The following TDRD1 variants were observed in gnomAD, a reference collection of about 807,000 sequenced individuals.
TDRD1 encodes tudor domain containing 1.
TDRD1 carries 37 observed loss-of-function variants against 140.6 expected under a neutral mutation model. The ratio of observed to expected loss-of-function variants is 0.26; its 90% CI spans 0.20 to 0.35. The LOEUF (loss-of-function observed/expected upper bound fraction) is 0.35. Among genes scored for constraint, TDRD1 ranks in the 10% least tolerant of loss-of-function variants. The pLI, the probability that TDRD1 is intolerant of heterozygous loss-of-function variation, is 1.00. For missense variants in TDRD1, 1,243 were observed against 1,393.0 expected, an observed-to-expected ratio of 0.89 and a Z score of 1.71; for synonymous variants, 506 against 475.7, an observed-to-expected ratio of 1.06 and a Z score of -0.83.
chr10:114,220,262 TACATAAC>T (rs1330155990), intron 18 of TDRD1, among the ~76,000 whole-genome samples: 1 of 152,234 alleles, frequency 6.6e-6, no homozygotes, highest in Non-Finnish European at 1.5e-5. Context: ...GGTTAACTCA[TACATAAC>T]AGAACATGAT....
upstream of TDRD1, among the ~76,000 whole-genome samples, chr10:114,176,667 C>A (rs1363471877): frequency 6.6e-6 from 1 of 152,176 alleles, no homozygotes; most frequent in African/African-American, 2.4e-5. The surrounding 1 kb of genome is among the most constrained non-coding windows in gnomAD (Gnocchi z 4.2). Flanking sequence ...CTTGTAATCC[C>A]AGCTACTGAG....
chr10:114,218,349 G>T, intron 17 of TDRD1, 65 bp from the exon 18 acceptor site: 2 of 1,200,666 alleles, frequency 1.7e-6, no homozygotes, highest in Non-Finnish European at 2.2e-6. Context: ...CTTTTTTCAA[G>T]ATAAGTATTT....
In TDRD1 at chr10:114,188,079, A is replaced by G. The variant is rs78106404; in HGVS notation, c.248A>G (p.Asn83Ser). The G allele has an allele frequency of 9.1e-4, 1,466 of 1,613,814 alleles. 11 individuals carry two copies. The African/African-American group carries it at 0.018, about 19-fold the overall frequency. The change falls in exon 2 of 26, where the codon AAT becomes AGT. Residue 83 changes from asparagine (N) to serine (S), a missense_variant. This residue lies in a region of TDRD1 where 237 missense variants were observed against 215.5 expected (regional missense o/e 1.10). Transcript: ENST00000251864. ...CAATATTTGGCTAGTCAGGAAGACA[A>G]TTCAGTTTCTTCAAACCCGAATGGC...
At chr10:114,204,624 A>C in intron 9 of TDRD1, 98 bp from the exon 10 acceptor site, 1 of 1,235,078 alleles carries the variant, frequency 8.1e-7, no homozygotes, top group Non-Finnish European at 1.1e-6. Flanking sequence ...ATTTGTGATA[A>C]GTTTTCAGCA....
chr10:114,204,179 A>G, exon 9 of TDRD1: 1 of 1,598,964 alleles, frequency 6.3e-7, no homozygotes, highest in Non-Finnish European at 8.5e-7. Context: ...AACAGAATTT[A>G]CCACCTCAAC....
intron 3 of TDRD1, among the ~76,000 whole-genome samples, chr10:114,195,659 T>C (rs2034292027): frequency 6.6e-6 from 1 of 152,228 alleles, no homozygotes; most frequent in African/African-American, 2.4e-5. Context: ...CTTTTTACTT[T>C]CGGTCTCTCT....
chr10:114,231,940 T>C (rs1279809100), exon 26 of TDRD1: 1 of 141,404 alleles, frequency 7.1e-6, no homozygotes, highest in Non-Finnish European at 1.5e-5. Flanking sequence ...AGATTTTGTC[T>C]TAAAAAAAAA....
At chr10:114,222,045 T>C (rs1212923652) in intron 20 of TDRD1, among the ~76,000 whole-genome samples, 1 of 152,224 alleles carries the variant, frequency 6.6e-6, no homozygotes, top group East Asian at 1.9e-4. Flanking sequence ...GCAGGCACTT[T>C]TAAAGCTGAA....
intron 1 of TDRD1, among the ~76,000 whole-genome samples, chr10:114,181,816 A>G (rs142119556): frequency 6.7e-6 from 1 of 148,436 alleles, no homozygotes; most frequent in African/African-American, 2.5e-5. Context: ...GCTGCACTCC[A>G]TTCTGGGCGA....
chr10:114,210,478 C>T (rs2035409583), intron 11 of TDRD1, 103 bp from the exon 12 acceptor site: 2 of 1,144,874 alleles, frequency 1.7e-6, no homozygotes, highest in Non-Finnish European at 2.4e-6. Context: ...AGGAACCTTG[C>T]AGTCATAGTC....
intron 1 of TDRD1, among the ~76,000 whole-genome samples, chr10:114,181,383 C>G (rs965403172): frequency 6.6e-6 from 1 of 152,194 alleles, no homozygotes; most frequent in African/African-American, 2.4e-5. Context: ...GCTTCAGGGC[C>G]TGTGCAGCAA....
chr10:114,213,324 T>C, intron 14 of TDRD1, 22 bp from the exon 15 acceptor site: 1 of 1,595,284 alleles, frequency 6.3e-7, no homozygotes, highest in Non-Finnish European at 8.6e-7. Context: ...AATTGTAACA[T>C]TCATTCAAAA....
intron 3 of TDRD1, among the ~76,000 whole-genome samples, chr10:114,195,569 A>C (rs566868917): frequency 6.6e-6 from 1 of 152,068 alleles, no homozygotes; most frequent in South Asian, 2.1e-4. Flanking sequence ...CTCTCTGGTA[A>C]TTTTCTTTCC....
intron 18 of TDRD1, among the ~76,000 whole-genome samples, chr10:114,218,787 A>C (rs1310155457): frequency 6.6e-6 from 1 of 152,222 alleles, no homozygotes; most frequent in African/African-American, 2.4e-5. Context: ...TGACCACAGG[A>C]ATAAAAACTG....
chr10:114,183,573 A>G (rs1299218199), intron 1 of TDRD1, among the ~76,000 whole-genome samples: 1 of 152,110 alleles, frequency 6.6e-6, no homozygotes, highest in Non-Finnish European at 1.5e-5. Flanking sequence ...GGTTATAATT[A>G]TATTGAATAT....
intron 17 of TDRD1, 150 bp from the exon 18 acceptor site, chr10:114,218,264 T>G (rs1472139878): frequency 2.0e-6 from 1 of 509,412 alleles, no homozygotes. Flanking sequence ...TCTAGAGATT[T>G]TTGAATTTTG....
chr10:114,186,316 T>G (rs750438260), intron 1 of TDRD1, among the ~76,000 whole-genome samples: 4 of 152,198 alleles, frequency 2.6e-5, no homozygotes, highest in South Asian at 2.1e-4. Flanking sequence ...CAGGTTGAAG[T>G]GCAGTGGCAC....
At chr10:114,215,818 C>A (rs917290538) in intron 16 of TDRD1, among the ~76,000 whole-genome samples, 1 of 152,038 alleles carries the variant, frequency 6.6e-6, no homozygotes, top group African/African-American at 2.4e-5. Context: ...AAACATGTTT[C>A]AAAAGTGTAT....
chr10:114,175,710 T>G (rs191746413), upstream of TDRD1, among the ~76,000 whole-genome samples: 2 of 152,294 alleles, frequency 1.3e-5, no homozygotes, highest in Admixed American at 1.3e-4. Context: ...TAACATGAAC[T>G]GTACCCAAAA....
Sources: gnomAD v4.1 joint callset for allele counts (sites outside exome capture counted in the v4.1 genomes callset) on GRCh38, gnomAD v4.1.1 for gene constraint, gnomAD v4.1.1 regional missense constraint, Gnocchi (gnomAD v3.1) non-coding constraint, MANE v1.5 for transcripts, NCBI Gene and HGNC (gene_info 2026-07-23, HGNC 2026-07-21) for gene names.